CHODL: variants seen among roughly 807,000 people sequenced by gnomAD.
CHODL encodes transmembrane protein MT75.
A neutral mutation model predicts 34.5 loss-of-function variants in CHODL; 29 were observed. The observed-to-expected ratio is 0.84, with a 90% CI of 0.63 to 1.15. The LOEUF is 1.15. CHODL is among the 50% of genes most tolerant of loss of function. The pLI is 0.00. For synonymous variants in CHODL, 125 were observed against 116.1 expected (o/e 1.08, Z -0.49); for missense variants, 332 against 332.5 (o/e 1.00, Z 0.01).
In CHODL at chr21:18,266,157, C is replaced by T. The variant is rs780406921; in HGVS notation, c.*119C>T. 6.3e-6 allele frequency: 10 copies of T among 1,585,708 alleles called. No homozygotes were observed. The highest frequency in any genetic ancestry group is 8.6e-6 in the Non-Finnish European group (10 of 1,163,702). ...GGATCTGCAAGATGAACTGTAAGCT[C>T]CCCCTTGAGGCAAATATTAAAGTAA... is the stretch of plus-strand genomic sequence containing the variant. On this transcript the variant is annotated 3_prime_UTR_variant, in exon 6 of 6. Coordinates refer to ENST00000299295, the MANE Select transcript of CHODL (RefSeq NM_024944.3).
intron 1 of CHODL, among the ~76,000 whole-genome samples, chr21:17,937,380 T>C (rs1188141695): frequency 1.3e-5 from 2 of 152,200 alleles, no homozygotes; most frequent in Non-Finnish European, 2.9e-5. Flanking sequence ...GCTCCAATTC[T>C]GAATAATCCT....
intron 1 of CHODL, among the ~76,000 whole-genome samples, chr21:17,997,944 C>T (rs1311916460): frequency 6.6e-6 from 1 of 152,178 alleles, no homozygotes; most frequent in Non-Finnish European, 1.5e-5. Context: ...CTAATTATGC[C>T]TTCCCAACAG....
Position 18,256,492 on chromosome 21 carries a change from C to CTTT in CHODL, c.80-6_80-4dup. On this transcript the variant is annotated splice_polypyrimidine_tract_variant and intron_variant, in intron 1 of 5. Coordinates refer to ENST00000299295, the MANE Select transcript of CHODL (RefSeq NM_024944.3). ...GTTCCGATTATCAATATATGGGCAT[C>CTTT]TTTTTTTTTTTTTCAGGCCAAAAGG... 47 of 1,344,244 alleles carry CTTT rather than the reference C, an allele frequency of 3.5e-5. No individual in the cohort carries two copies. Among genetic ancestry groups the CTTT allele is most frequent in the South Asian group, 1.2e-4 (9 of 74,602 alleles). The allele number at this position is 1,344,244 out of a possible 1,614,324, so 83.3% of individuals were successfully genotyped here.
chr21:18,060,709 C>CAA (rs71318121), intron 2 of CHODL, among the ~76,000 whole-genome samples: 7 of 121,372 alleles, frequency 5.8e-5, no homozygotes, highest in Admixed American at 8.6e-5. Flanking sequence ...CTCCTCGGAC[C>CAA]AAAAAAAAAA....
At chr21:18,010,469 C>G (rs1485939062) in intron 1 of CHODL, among the ~76,000 whole-genome samples, 1 of 152,114 alleles carries the variant, frequency 6.6e-6, no homozygotes, top group East Asian at 1.9e-4. Context: ...AACTTACTTG[C>G]GGCTTTATCT....
intron 2 of CHODL, among the ~76,000 whole-genome samples, chr21:18,207,314 A>G (rs1277648432): frequency 6.6e-6 from 1 of 152,156 alleles, no homozygotes; most frequent in African/African-American, 2.4e-5. Flanking sequence ...TGATGACAAC[A>G]CTGATTGCAT....
intron 1 of CHODL, among the ~76,000 whole-genome samples, chr21:17,934,538 C>G (rs905176695): frequency 6.6e-6 from 1 of 151,996 alleles, no homozygotes; most frequent in African/African-American, 2.4e-5. Context: ...CATTGTTATT[C>G]AAGCCATTGT....
intron 2 of CHODL, among the ~76,000 whole-genome samples, chr21:18,237,795 A>C (rs2074042224): frequency 6.6e-6 from 1 of 152,144 alleles, no homozygotes; most frequent in African/African-American, 2.4e-5. Flanking sequence ...TATTTATTGA[A>C]TAAACATAAA....
chr21:18,187,259 C>G (rs1227391328), intron 2 of CHODL, among the ~76,000 whole-genome samples: 1 of 152,132 alleles, frequency 6.6e-6, no homozygotes, highest in Non-Finnish European at 1.5e-5. Flanking sequence ...AGATAGCTGG[C>G]ATTGAACTAC....
At chr21:17,929,022 A>G (rs1465648234) in intron 1 of CHODL, among the ~76,000 whole-genome samples, 1 of 152,232 alleles carries the variant, frequency 6.6e-6, no homozygotes, top group Non-Finnish European at 1.5e-5. Flanking sequence ...ATTTTTTAGT[A>G]AGGAGCTGTT....
chr21:18,245,606 A>T, intron 1 of CHODL, among the ~76,000 whole-genome samples: 1 of 152,014 alleles, frequency 6.6e-6, no homozygotes, highest in South Asian at 2.1e-4. Flanking sequence ...GAGAGAGTTG[A>T]CCACACGGCC....
chr21:18,118,517 T>C (rs1178921308), intron 2 of CHODL, among the ~76,000 whole-genome samples: 2 of 152,220 alleles, frequency 1.3e-5, no homozygotes, highest in Admixed American at 6.6e-5. Flanking sequence ...TAAATCACTC[T>C]TCCAATAAAA....
chr21:18,041,820 T>C (rs557305073), intron 2 of CHODL, among the ~76,000 whole-genome samples: 66 of 152,002 alleles, frequency 4.3e-4, no homozygotes, highest in African/African-American at 1.6e-3. Flanking sequence ...AAGGGCTTGA[T>C]CAATTCTACT....
At position 18,105,485 on chromosome 21, in the gene CHODL, G is replaced by A. The variant is rs370323391; in HGVS notation, c.-45+77514G>A. On this transcript the variant is annotated intron_variant, in intron 2 of 6. Transcript: ENST00000400127. ...AAGTCAGTCAAAGTTGGATTTTGTT[G>A]CTTGAAATTAAGGATCCTGATCATT... Among the ~76,000 whole-genome samples, 40 of 152,210 alleles carry A rather than the reference G, an allele frequency of 2.6e-4. No individual in the cohort carries two copies. The South Asian group carries it at 8.1e-3, about 31-fold the overall frequency.
At chr21:18,119,622 G>C (rs1215530823) in intron 2 of CHODL, among the ~76,000 whole-genome samples, 1 of 152,174 alleles carries the variant, frequency 6.6e-6, no homozygotes, top group Non-Finnish European at 1.5e-5. Context: ...TTTGGGACTT[G>C]AAATAGAGTT....
In CHODL at chr21:18,044,426, A is replaced by C. The variant is rs76433334; in HGVS notation, c.-45+16455A>C. On this transcript the variant is annotated intron_variant, in intron 2 of 6. Coordinates refer to the CHODL transcript ENST00000400127. Reference sequence around the variant, plus strand: ...CCACATCGTTGAGACTGCAGAAAAAAGAAAAATCTTTATTTTTTTAACACT... The same window carrying C: ...CCACATCGTTGAGACTGCAGAAAAACGAAAAATCTTTATTTTTTTAACACT... Among the ~76,000 whole-genome samples the C allele has an allele frequency of 1.6e-4, 25 of 152,016 alleles. No homozygotes were observed. In the East Asian group the frequency reaches 4.9e-3, roughly 30 times the overall value.
chr21:17,992,715 G>GTTT (rs1237074983), intron 1 of CHODL, among the ~76,000 whole-genome samples: 5,085 of 30,562 alleles, frequency 0.17, 376 homozygotes, highest in Non-Finnish European at 0.2. Flanking sequence ...TTCTGGTGGA[G>GTTT]TTGTTTTTTT....
chr21:17,998,883 T>C (rs2063878204), intron 1 of CHODL, among the ~76,000 whole-genome samples: 1 of 152,226 alleles, frequency 6.6e-6, no homozygotes, highest in African/African-American at 2.4e-5. Context: ...TGGAGATGTT[T>C]TCCCCATGGT....
upstream of CHODL, among the ~76,000 whole-genome samples, chr21:18,244,178 A>G (rs1053439633): frequency 2.6e-4 from 39 of 152,326 alleles, no homozygotes; most frequent in African/African-American, 9.4e-4. Context: ...AAATACATAC[A>G]TTTCATTTTA....
Sources: gnomAD v4.1 joint callset for allele counts (sites outside exome capture counted in the v4.1 genomes callset) on GRCh38, gnomAD v4.1.1 for gene constraint, MANE v1.5 for transcripts, NCBI Gene and HGNC (gene_info 2026-07-23, HGNC 2026-07-21) for gene names.